The following NBPF8 variants were observed in gnomAD, a reference collection of about 807,000 sequenced individuals.
The protein encoded by NBPF8 is NBPF member 8, also known as NBPF family member NBPF8.
At chr1:120,452,160 C>A in exon 13 of NBPF8, 2 of 1,604,044 alleles carry the variant, frequency 1.2e-6, no homozygotes, top group African/African-American at 1.4e-5. Flanking sequence ...AGAGCTGACC[C>A]AGTTAAGGGA....
rs1231990000 is a variant in NBPF8 at position 120,459,618 on chromosome 1, C to A, written n.2784+88C>A. On this transcript the variant is annotated intron_variant and non_coding_transcript_variant, in intron 17 of 24. Transcript: ENST00000583271. ...TTTGGGCCTTGTGCCGCTTGTTGGG[C>A]TGAGATTTGCCATCACTGTGGGCTG... is the stretch of plus-strand genomic sequence containing the variant. 2.3e-4 allele frequency: 317 copies of A among 1,365,378 alleles called. 58 individuals carry two copies. Among genetic ancestry groups the A allele is most frequent in the Admixed American group, 7.7e-4 (45 of 58,320 alleles). 84.6% of individuals were successfully genotyped at this position (1,365,378 alleles called of 1,614,324 possible).
At chr1:120,431,785 G>A (rs1419404229), upstream of NBPF8, among the ~76,000 whole-genome samples, 1 of 151,762 alleles carries the variant, frequency 6.6e-6, no homozygotes, top group Non-Finnish European at 1.5e-5. Context: ...TACACACTGT[G>A]TCTGCACAGT....
chr1:120,428,540 C>T (rs1660785042), intron 3 of NBPF8, among the ~76,000 whole-genome samples: 2 of 151,984 alleles, frequency 1.3e-5, no homozygotes, highest in East Asian at 1.9e-4. Flanking sequence ...AATAAACTCC[C>T]ATCAGCTTTA....
chr1:120,417,108 C>T (rs1660455051), upstream of NBPF8, among the ~76,000 whole-genome samples: 1 of 126,480 alleles, frequency 7.9e-6, no homozygotes, highest in South Asian at 2.7e-4. Context: ...CTTGCCTTTT[C>T]GCTCTTTTAA....
chr1:120,452,664 A>G (rs1661314784), intron 13 of NBPF8, among the ~76,000 whole-genome samples: 2 of 152,280 alleles, frequency 1.3e-5, no homozygotes, highest in Non-Finnish European at 2.9e-5. Flanking sequence ...GAAGGTTCCC[A>G]GGCTGTCTTT....
At chr1:120,465,283 G>A (rs1661710541) in exon 24 of NBPF8, 5 of 668,350 alleles carry the variant, frequency 7.5e-6, no homozygotes, top group South Asian at 2.8e-5. Flanking sequence ...GAAGGGGAAG[G>A]GGAAGATAAG....
chr1:120,462,786 T>A lies in NBPF8; in HGVS notation n.3062-8T>A, dbSNP rs1661629081. On this transcript the variant is annotated splice_region_variant and splice_polypyrimidine_tract_variant and intron_variant and non_coding_transcript_variant, in intron 20 of 24. Coordinates refer to ENST00000583271, the Ensembl canonical transcript of NBPF8. ...TGGCTTATTCTTTACTTTTTCCTAC[T>A]TTTCCAGGCTCAGCAGGGAGCTGCT... is the stretch of plus-strand genomic sequence containing the variant. 1 of 275,262 alleles carries A rather than the reference T, an allele frequency of 3.6e-6. No homozygotes were observed. Among genetic ancestry groups the A allele is most frequent in the Non-Finnish European group, 6.3e-6 (1 of 157,782 alleles). 17.1% of individuals were successfully genotyped at this position (275,262 alleles called of 1,614,324 possible).
chr1:120,419,486 CT>C (rs1218914058), upstream of NBPF8, among the ~76,000 whole-genome samples: 1 of 151,886 alleles, frequency 6.6e-6, no homozygotes, highest in Non-Finnish European at 1.5e-5. Flanking sequence ...AGTCAGGACT[CT>C]TTATTTTTTT....
chr1:120,430,751 T>C (rs1660853446), intron 3 of NBPF8, among the ~76,000 whole-genome samples: 2 of 61,650 alleles, frequency 3.2e-5, no homozygotes, highest in East Asian at 8.5e-4. Context: ...AGACTCTGTC[T>C]CAAAAAAAAA....
intron 14 of NBPF8, among the ~76,000 whole-genome samples, 169 bp downstream of exon 12, chr1:120,453,613 C>T (rs1484138340): frequency 2.0e-5 from 3 of 151,522 alleles, no homozygotes; most frequent in Non-Finnish European, 2.9e-5. Context: ...TCATGTTTCT[C>T]TATGTGTGCC....
chr1:120,468,210 C>T (rs2101707844), downstream of NBPF8, among the ~76,000 whole-genome samples: 1 of 150,670 alleles, frequency 6.6e-6, no homozygotes, highest in East Asian at 2.0e-4. Flanking sequence ...TGAACCTAAA[C>T]ATATACCGGT....
intron 20 of NBPF8, among the ~76,000 whole-genome samples, chr1:120,462,560 T>C (rs1239076047): frequency 7.3e-5 from 8 of 109,752 alleles, no homozygotes; most frequent in African/African-American, 2.5e-4. Flanking sequence ...ACCCGGCCAA[T>C]TCGCTGAGCT....
exon 25 of NBPF8, chr1:120,465,984 C>G: frequency 6.2e-7 from 1 of 1,611,888 alleles, no homozygotes; most frequent in Admixed American, 1.7e-5. Context: ...CCAGGCTCAA[C>G]AGCGTGCTGA....
chr1:120,422,806 G>A (rs1660611880), intron 1 of NBPF8, among the ~76,000 whole-genome samples: 1 of 108,880 alleles, frequency 9.2e-6, no homozygotes, highest in African/African-American at 4.9e-5. Context: ...CATTTGGTGT[G>A]TTCACCGTTT....
chr1:120,433,013 A>G (rs1660927895), upstream of NBPF8: 1 of 152,240 alleles, frequency 6.6e-6, no homozygotes. Context: ...TACATGCTTA[A>G]CAATACATGC....
At chr1:120,464,204 T>C (rs1661676017) in intron 22 of NBPF8, among the ~76,000 whole-genome samples, 172 bp from the exon 21 acceptor site, 1 of 131,206 alleles carries the variant, frequency 7.6e-6, no homozygotes, top group Non-Finnish European at 1.6e-5. Flanking sequence ...TTTCATTCTT[T>C]TCCATTTGGC....
downstream of NBPF8, chr1:120,467,800 T>C (rs1468576123): frequency 1.2e-4 from 18 of 152,334 alleles, no homozygotes; most frequent in African/African-American, 3.4e-4. Context: ...TGCTGATTGG[T>C]TTTGGTGGGT....
At chr1:120,431,214 A>C (rs1384655561) in intron 3 of NBPF8, among the ~76,000 whole-genome samples, 1 of 143,400 alleles carries the variant, frequency 7.0e-6, no homozygotes, top group Non-Finnish European at 1.5e-5. Flanking sequence ...ATTGATTCTT[A>C]GGACATATAT....
upstream of NBPF8, chr1:120,432,948 G>C: frequency 6.6e-6 from 1 of 151,846 alleles, no homozygotes; most frequent in East Asian, 1.9e-4. Flanking sequence ...CTAGCAATTA[G>C]CAGCTAGAAA....
Sources: allele counts gnomAD v4.1 joint callset (sites outside exome capture counted in the v4.1 genomes callset), GRCh38; gene constraint gnomAD v4.1.1; transcripts MANE v1.5; gene names NCBI Gene and HGNC (gene_info 2026-07-23, HGNC 2026-07-21).